The following COG7 variants were observed in gnomAD, a reference collection of about 807,000 sequenced individuals.
COG7 encodes the protein conserved oligomeric Golgi complex subunit 7.
A neutral mutation model predicts 91.5 loss-of-function variants in COG7; 49 were observed. The ratio of observed to expected loss-of-function variants is 0.54; its 90% confidence interval spans 0.43 to 0.68. The LOEUF is 0.68. Among genes scored for constraint, COG7 ranks in the 30% least tolerant of loss-of-function variants. The pLI is 0.00. For synonymous variants in COG7, 365 were observed against 388.7 expected, an observed-to-expected ratio of 0.94 and a Z score of 0.72; for missense variants, 895 against 961.3, an observed-to-expected ratio of 0.93 and a Z score of 0.91.
At chr16:23,403,148 G>A (rs56853722) in intron 13 of COG7, among the ~76,000 whole-genome samples, 2,079 of 152,162 alleles carry the variant, frequency 0.014, 46 homozygotes, top group African/African-American at 0.048. Context: ...AAAATAATTC[G>A]GACAACCAGA....
Position 23,428,034 on chromosome 16 carries a change from G to A in COG7, c.811-3087C>T, listed in dbSNP as rs545781283. ...CTACTAAAAAATACAAAAATTAGCC[G>A]GGCATGGCAGCATGCACCTGCAGTC... On this transcript the variant is annotated intron_variant, in intron 6 of 16. Transcript: ENST00000307149. Among the ~76,000 whole-genome samples, 6 of 152,100 alleles carry A rather than the reference G, an allele frequency of 3.9e-5. No individual in the cohort carries two copies. The East Asian group carries it at 7.7e-4, about 20-fold the overall frequency.
At chr16:23,421,147 T>C (rs909635074) in intron 7 of COG7, among the ~76,000 whole-genome samples, 5 of 151,808 alleles carry the variant, frequency 3.3e-5, no homozygotes, top group African/African-American at 1.2e-4. Context: ...ACCTAAATTT[T>C]TAAAAATTTA....
chr16:23,443,606 G>A (rs368635486), intron 3 of COG7, among the ~76,000 whole-genome samples: 7 of 151,090 alleles, frequency 4.6e-5, no homozygotes, highest in African/African-American at 1.7e-4. Context: ...CAGGAGAATC[G>A]CTTGAACCCA....
At chr16:23,413,913 C>T (rs1173958051) in intron 9 of COG7, 4 of 284,838 alleles carry the variant, frequency 1.4e-5, no homozygotes. Context: ...GTTTGAAGAA[C>T]TGTTTAAACA....
chr16:23,452,770 C>T, intron 1 of COG7, 56 bp downstream of exon 1: 1 of 1,564,706 alleles, frequency 6.4e-7, no homozygotes, highest in Non-Finnish European at 8.6e-7. Flanking sequence ...GTTCGGTGAC[C>T]TCTGCCCAGC....
chr16:23,417,283 G>A (rs921888725), intron 8 of COG7, 162 bp from the exon 9 acceptor site: 1 of 731,528 alleles, frequency 1.4e-6, no homozygotes, highest in Non-Finnish European at 2.4e-6. Flanking sequence ...TGAATCAAGG[G>A]AGAACAGTCT....
chr16:23,392,202 A>G, intron 16 of COG7, 178 bp downstream of exon 16: 1 of 1,495,558 alleles, frequency 6.7e-7, no homozygotes, highest in Non-Finnish European at 8.9e-7. Flanking sequence ...CGGTCTTGCT[A>G]AGTCAGAATC....
At position 23,411,429 on chromosome 16, in the gene COG7, T is replaced by G. The variant is rs1396511634; in HGVS notation, c.1410-1069A>C. On this transcript the variant is annotated intron_variant, in intron 10 of 16. Coordinates refer to ENST00000307149, the MANE Select transcript of COG7 (RefSeq NM_153603.4). ...TTCCCTTACGTGCAACAGAACAAAC[T>G]TGTGCATAATATTTTCCAGAATACC... Among the ~76,000 whole-genome samples the G allele has an allele frequency of 2.6e-5, 4 of 152,302 alleles. No homozygotes were observed. In the East Asian group the frequency reaches 7.7e-4, roughly 29 times the overall value.
At chr16:23,446,146 G>A (rs1468848751) in intron 1 of COG7, among the ~76,000 whole-genome samples, 185 bp from the exon 2 acceptor site, 1 of 152,146 alleles carries the variant, frequency 6.6e-6, no homozygotes, top group Non-Finnish European at 1.5e-5. Context: ...CAGTGAGGTG[G>A]CCCCTGCCGG....
chr16:23,399,878 T>C (rs1189947141), intron 13 of COG7, among the ~76,000 whole-genome samples: 2 of 152,210 alleles, frequency 1.3e-5, no homozygotes, highest in Non-Finnish European at 2.9e-5. Context: ...TCCTGGATCC[T>C]AGATCCTGAC....
At chr16:23,400,036 T>TA (rs1320792160) in intron 13 of COG7, among the ~76,000 whole-genome samples, 1 of 151,924 alleles carries the variant, frequency 6.6e-6, no homozygotes, top group Non-Finnish European at 1.5e-5. Flanking sequence ...GATGAGGGGG[T>TA]ATGTATGAAA....
At chr16:23,433,767 A>C (rs1273383767) in intron 5 of COG7, 100 bp from the exon 6 acceptor site, 2 of 1,448,258 alleles carry the variant, frequency 1.4e-6, no homozygotes, top group African/African-American at 2.8e-5. Context: ...CGGATTGCTC[A>C]ATGGGCTCAC....
intron 10 of COG7, among the ~76,000 whole-genome samples, chr16:23,411,563 T>A (rs1268566790): frequency 6.6e-6 from 1 of 152,348 alleles, no homozygotes; most frequent in South Asian, 2.1e-4. Context: ...GGTTTGTTAA[T>A]AGGTAAACGT....
At chr16:23,442,438 G>C in intron 4 of COG7, 39 bp downstream of exon 4, 5 of 1,591,084 alleles carry the variant, frequency 3.1e-6, no homozygotes, top group Non-Finnish European at 4.3e-6. Flanking sequence ...TATCTTTATA[G>C]AGAGATATAC....
In COG7 at chr16:23,440,127, G is replaced by A. The variant is rs560793828; in HGVS notation, c.604+2350C>T. ...AAATAGGCTGGGCACGGTGGCTCAC[G>A]CCTGTAATACCTGCACTTTGGGAGG... On this transcript the variant is annotated intron_variant, in intron 4 of 16. Transcript: ENST00000307149. Among the ~76,000 whole-genome samples the A allele has an allele frequency of 9.3e-5, 14 of 150,616 alleles. 1 individual carries two copies. The highest frequency in any genetic ancestry group is 1.2e-4 in the Non-Finnish European group (8 of 67,838).
chr16:23,440,192 C>T (rs1476790177), intron 4 of COG7, among the ~76,000 whole-genome samples: 1 of 151,542 alleles, frequency 6.6e-6, no homozygotes, highest in Non-Finnish European at 1.5e-5. Context: ...AGTTCAAGAC[C>T]AGCCTGGCCA....
At chr16:23,409,695 G>T (rs908472524) in intron 11 of COG7, among the ~76,000 whole-genome samples, 4 of 152,176 alleles carry the variant, frequency 2.6e-5, no homozygotes, top group African/African-American at 9.7e-5. Flanking sequence ...GGAAGCCAGA[G>T]CCCCTTGAAG....
chr16:23,426,014 G>A (rs1963840254), intron 6 of COG7, among the ~76,000 whole-genome samples: 1 of 152,004 alleles, frequency 6.6e-6, no homozygotes, highest in South Asian at 2.1e-4. Flanking sequence ...ATGAGTTCGA[G>A]ACCAGCCTGA....
intron 9 of COG7, chr16:23,416,716 G>T: frequency 1.8e-6 from 1 of 543,080 alleles, no homozygotes; most frequent in Non-Finnish European, 3.3e-6. Context: ...TACTTTAACT[G>T]CTGCACAAGT....
Sources: gnomAD v4.1 joint callset for allele counts (sites outside exome capture counted in the v4.1 genomes callset) on GRCh38, gnomAD v4.1.1 for gene constraint, MANE v1.5 for transcripts, NCBI Gene and HGNC (gene_info 2026-07-23, HGNC 2026-07-21) for gene names.